CDH3: variants seen among roughly 807,000 people sequenced by gnomAD.
CDH3 encodes the protein cadherin 3, also known as cadherin-3.
A neutral mutation model predicts 82.0 loss-of-function variants in CDH3; 54 were observed. That is an observed-to-expected ratio of 0.66 (90% CI 0.53 to 0.83). CDH3 has a LOEUF of 0.83. Ranked by LOEUF, CDH3 falls within the 40% of genes least tolerant of loss-of-function variation. CDH3 has a pLI of 0.00. For synonymous variants in CDH3, 446 were observed against 437.9 expected (o/e 1.02, Z -0.23); for missense variants, 1,054 against 1,084.6 (o/e 0.97, Z 0.40).
chr16:68,705,998 G>C (rs1961957124), intron 1 of CDH3, among the ~76,000 whole-genome samples: 1 of 148,418 alleles, frequency 6.7e-6, no homozygotes, highest in Non-Finnish European at 1.5e-5. Context: ...CTGGGAGGCA[G>C]AGCTTGCAGT....
At chr16:68,731,830 C>T (rs572097766), downstream of CDH3, among the ~76,000 whole-genome samples, 4 of 151,666 alleles carry the variant, frequency 2.6e-5, no homozygotes, top group African/African-American at 9.7e-5. Flanking sequence ...AGAGTTAGAT[C>T]CTGTCTCAAA....
At position 68,687,662 on chromosome 16, in the gene CDH3, C is replaced by T. The variant is rs779313823; in HGVS notation, c.1721C>T (p.Pro574Leu). Residue 574 changes from proline to leucine, a missense_variant, in exon 12 of 16, where the codon CCC becomes CTC. By Grantham distance (98) the Pro-to-Leu change is moderately conservative (BLOSUM62 -3). Coordinates refer to ENST00000264012, the MANE Select transcript of CDH3 (RefSeq NM_001793.6). ...VLNITDKDLS[P>L]HTSPFQAQLT... ...AACATCACGGACAAGGACCTGTCTC[C>T]CCACACCTCCCCTTTCCAGGCCCAG... 1 of 1,614,046 alleles carries T rather than the reference C, an allele frequency of 6.2e-7. No homozygotes were observed. Among genetic ancestry groups the T allele is most frequent in the South Asian group, 1.1e-5 (1 of 91,070 alleles).
chr16:68,712,154 G>A (rs9930935), intron 1 of CDH3, among the ~76,000 whole-genome samples: 128,894 of 151,230 alleles, frequency 0.85, 55,103 homozygotes, highest in Non-Finnish European at 0.88. Context: ...CCTCCCATTC[G>A]GCCTCCCGAG....
chr16:68,708,883 T>A (rs1597827330), intron 1 of CDH3, among the ~76,000 whole-genome samples: 1 of 152,290 alleles, frequency 6.6e-6, no homozygotes, highest in East Asian at 1.9e-4. Context: ...CCTCAGGTGA[T>A]CCACCCACCT....
intron 2 of CDH3, among the ~76,000 whole-genome samples, chr16:68,659,814 T>G (rs1960511328): frequency 6.6e-6 from 1 of 151,940 alleles, no homozygotes; most frequent in South Asian, 2.1e-4. Context: ...CTTTTTTTTT[T>G]TTTTTGCACA....
At chr16:68,730,301 C>T (rs181758436), downstream of CDH3, among the ~76,000 whole-genome samples, 7 of 148,974 alleles carry the variant, frequency 4.7e-5, no homozygotes, top group Admixed American at 1.3e-4. Flanking sequence ...CTGAGGCGGG[C>T]GGATCACTTG....
chr16:68,685,417 A>T, intron 11 of CDH3, 67 bp downstream of exon 11: 1 of 1,537,910 alleles, frequency 6.5e-7, no homozygotes, highest in Non-Finnish European at 9.0e-7. Context: ...GACACAGCAC[A>T]GCATGTTTCC....
chr16:68,646,675 A>C (rs926713349), intron 2 of CDH3, among the ~76,000 whole-genome samples: 2 of 143,446 alleles, frequency 1.4e-5, no homozygotes, highest in Admixed American at 1.4e-4. Context: ...GTTGAAACCT[A>C]GTTCTTAAAC....
At chr16:68,686,247 G>A (rs1195490556) in intron 11 of CDH3, among the ~76,000 whole-genome samples, 6 of 152,266 alleles carry the variant, frequency 3.9e-5, no homozygotes, top group Non-Finnish European at 7.3e-5. Context: ...CACGCCTCGG[G>A]GCGAGCGGCA....
intron 2 of CDH3, among the ~76,000 whole-genome samples, chr16:68,650,593 G>A (rs564633130): frequency 2.6e-5 from 4 of 152,300 alleles, no homozygotes; most frequent in East Asian, 3.9e-4. Context: ...GAGCCACCAC[G>A]CCCGGCCATA....
intron 12 of CDH3, among the ~76,000 whole-genome samples, chr16:68,688,055 A>G (rs1961465669): frequency 6.6e-6 from 1 of 150,782 alleles, no homozygotes; most frequent in Non-Finnish European, 1.5e-5. Flanking sequence ...GGCTACGATC[A>G]CTGTGCTGGG....
downstream of CDH3, among the ~76,000 whole-genome samples, chr16:68,701,139 C>T (rs1019996168): frequency 6.6e-6 from 1 of 152,122 alleles, no homozygotes. Flanking sequence ...TTAGGCTGGC[C>T]TTCCTCCCCT....
chr16:68,648,481 C>G (rs891134815), intron 2 of CDH3, among the ~76,000 whole-genome samples: 3 of 150,296 alleles, frequency 2.0e-5, no homozygotes, highest in Admixed American at 6.6e-5. Context: ...GGGTATCGCT[C>G]TGTCACCCAG....
At chr16:68,721,107 C>T (rs1962158460) in intron 1 of CDH3, among the ~76,000 whole-genome samples, 1 of 152,034 alleles carries the variant, frequency 6.6e-6, no homozygotes, top group Non-Finnish European at 1.5e-5. Flanking sequence ...ATCCAGCCCT[C>T]TCATTTCAGG....
At chr16:68,697,992 CT>C (rs1567458787) in intron 15 of CDH3, 198 bp from the exon 16 acceptor site, 3 of 650,924 alleles carry the variant, frequency 4.6e-6, no homozygotes, top group African/African-American at 3.6e-5. Context: ...CCCTTACCCC[CT>C]GGCCTGTGTT....
At chr16:68,690,709 C>T (rs926320941) in intron 12 of CDH3, among the ~76,000 whole-genome samples, 7 of 152,162 alleles carry the variant, frequency 4.6e-5, no homozygotes, top group Admixed American at 4.6e-4. Flanking sequence ...GAGTTTGAGA[C>T]CAGCCTGGTC....
chr16:68,716,487 G>T (rs1038277016), intron 1 of CDH3, among the ~76,000 whole-genome samples: 2 of 151,696 alleles, frequency 1.3e-5, no homozygotes, highest in Non-Finnish European at 2.9e-5. Context: ...CATGTGTGGT[G>T]GTTCTTGCCT....
intron 2 of CDH3, among the ~76,000 whole-genome samples, chr16:68,725,462 T>C (rs1046552667): frequency 6.6e-6 from 1 of 151,218 alleles, no homozygotes; most frequent in African/African-American, 2.4e-5. Context: ...GTCTCCGGAG[T>C]AGCTGGGACT....
intron 9 of CDH3, among the ~76,000 whole-genome samples, chr16:68,683,895 C>T (rs1204212836): frequency 2.0e-5 from 3 of 150,466 alleles, no homozygotes; most frequent in South Asian, 2.1e-4. Flanking sequence ...TGGTGAAACC[C>T]GTCTCTACTA....
Sources: allele counts gnomAD v4.1 joint callset (sites outside exome capture counted in the v4.1 genomes callset), GRCh38; gene constraint gnomAD v4.1.1; transcripts MANE v1.5; gene names NCBI Gene and HGNC (gene_info 2026-07-23, HGNC 2026-07-21).